The following C12orf42 variants were observed in gnomAD, a reference collection of about 807,000 sequenced individuals.
C12orf42 encodes the protein chromosome 12 open reading frame 42.
Under a neutral mutation model 21.6 loss-of-function variants are expected in C12orf42, and 25 were observed. That is an observed-to-expected ratio of 1.16 (90% CI 0.84 to 1.62). The LOEUF is 1.62. Among genes scored for constraint, C12orf42 ranks in the 40% most tolerant of loss-of-function variants. C12orf42 has a pLI of 0.00. For missense variants in C12orf42, 483 were observed against 459.3 expected, an observed-to-expected ratio of 1.05 and a Z score of -0.47; for synonymous variants, 174 against 175.0, an observed-to-expected ratio of 0.99 and a Z score of 0.05.
intron 4 of C12orf42, among the ~76,000 whole-genome samples, chr12:103,314,712 A>G (rs551384447): frequency 6.6e-6 from 1 of 152,294 alleles, no homozygotes; most frequent in East Asian, 1.9e-4. Context: ...TAACAAAAGC[A>G]TATTAGGGTC....
At chr12:103,143,973 T>C in the C12orf42 span, among the ~76,000 whole-genome samples, 2 of 152,120 alleles carry the variant, frequency 1.3e-5, no homozygotes, top group Admixed American at 6.5e-5. Flanking sequence ...CACAGGGTTA[T>C]TTATGGTAAG....
chr12:103,118,649 T>A, the C12orf42 span, among the ~76,000 whole-genome samples: 9 of 151,716 alleles, frequency 5.9e-5, no homozygotes, highest in East Asian at 1.6e-3. Flanking sequence ...ATACAAAAGA[T>A]TAGCCAGGCG....
At chr12:103,159,741 T>C in the C12orf42 span, among the ~76,000 whole-genome samples, 1 of 152,224 alleles carries the variant, frequency 6.6e-6, no homozygotes, top group Non-Finnish European at 1.5e-5. Context: ...GTCCCTATGT[T>C]CATGGTCCCC....
chr12:103,132,059 T>G, the C12orf42 span, among the ~76,000 whole-genome samples: 1 of 152,188 alleles, frequency 6.6e-6, no homozygotes, highest in Non-Finnish European at 1.5e-5. Context: ...CGTATATGTT[T>G]CTTGTCCAGC....
the C12orf42 span, among the ~76,000 whole-genome samples, chr12:103,066,175 G>A: frequency 1.3e-5 from 2 of 152,116 alleles, no homozygotes; most frequent in East Asian, 1.9e-4. Flanking sequence ...GAAACTGAAC[G>A]TTTGCCTATG....
At chr12:103,208,174 A>G in the C12orf42 span, among the ~76,000 whole-genome samples, 1 of 152,188 alleles carries the variant, frequency 6.6e-6, no homozygotes, top group African/African-American at 2.4e-5. Context: ...AGCTCTGGGT[A>G]ATACCAATGG....
the C12orf42 span, among the ~76,000 whole-genome samples, chr12:103,513,780 C>A: frequency 5.5e-3 from 838 of 152,174 alleles, 6 homozygotes; most frequent in Middle Eastern, 0.017. Context: ...ATGAATGTGC[C>A]AGGCACTAGG....
the C12orf42 span, among the ~76,000 whole-genome samples, chr12:103,171,539 T>C: frequency 6.6e-6 from 1 of 152,050 alleles, no homozygotes; most frequent in Admixed American, 6.6e-5. Flanking sequence ...ATGGGGAAGG[T>C]AGAGTTAAAG....
chr12:103,561,624 T>C, the C12orf42 span, among the ~76,000 whole-genome samples: 1 of 152,184 alleles, frequency 6.6e-6, no homozygotes, highest in Non-Finnish European at 1.5e-5. Context: ...TTTCAACGTA[T>C]GAATCTGGGG....
intron 3 of C12orf42, among the ~76,000 whole-genome samples, chr12:103,398,221 T>G (rs1724216635): frequency 6.6e-6 from 1 of 152,232 alleles, no homozygotes; most frequent in South Asian, 2.1e-4. Context: ...CTTATGAGTA[T>G]GAAATCATCT....
intron 3 of C12orf42, among the ~76,000 whole-genome samples, chr12:103,392,813 C>T (rs750017341): frequency 1.4e-4 from 22 of 152,118 alleles, no homozygotes; most frequent in African/African-American, 2.4e-4. Context: ...GAGGAAAGGA[C>T]GGGAAATTCT....
At chr12:103,208,849 A>C in the C12orf42 span, among the ~76,000 whole-genome samples, 2 of 152,208 alleles carry the variant, frequency 1.3e-5, no homozygotes, top group Non-Finnish European at 2.9e-5. Context: ...AAATGAGCTT[A>C]GTGTTCCTCA....
chr12:103,273,721 T>C (rs7313722), intron 5 of C12orf42: 20,225 of 402,904 alleles, frequency 0.05, 2,267 homozygotes, highest in African/African-American at 0.3. Flanking sequence ...AGCCAGAAAT[T>C]AGGGAAAAGA....
intron 2 of C12orf42, among the ~76,000 whole-genome samples, chr12:103,470,129 T>A (rs1953475482): frequency 6.6e-6 from 1 of 152,160 alleles, no homozygotes; most frequent in Non-Finnish European, 1.5e-5. Flanking sequence ...AGATTTTTAG[T>A]AAGATAGAAC....
At chr12:103,392,651 C>T (rs1410137505) in intron 3 of C12orf42, among the ~76,000 whole-genome samples, 1 of 152,172 alleles carries the variant, frequency 6.6e-6, no homozygotes, top group African/African-American at 2.4e-5. Context: ...TGCATAGACA[C>T]ACAACTGATT....
At chr12:103,077,046 A>G in the C12orf42 span, among the ~76,000 whole-genome samples, 15 of 152,180 alleles carry the variant, frequency 9.9e-5, no homozygotes, top group African/African-American at 3.6e-4. Context: ...CTGTATATAA[A>G]CTGTGTGCAA....
At chr12:103,256,141 C>CAA (rs2034599362) in intron 10 of C12orf42, among the ~76,000 whole-genome samples, 1 of 95,718 alleles carries the variant, frequency 1.0e-5, no homozygotes, top group Admixed American at 1.2e-4. Context: ...CACACACACA[C>CAA]ACACGTATAT....
chr12:103,408,777 T>G (rs1477753926), intron 2 of C12orf42, among the ~76,000 whole-genome samples: 1 of 152,176 alleles, frequency 6.6e-6, no homozygotes, highest in Non-Finnish European at 1.5e-5. Context: ...AAACTGTATA[T>G]TTTTTGTCAA....
At chr12:103,463,860 T>A (rs1201346800) in intron 2 of C12orf42, among the ~76,000 whole-genome samples, 1 of 152,242 alleles carries the variant, frequency 6.6e-6, no homozygotes, top group Non-Finnish European at 1.5e-5. Flanking sequence ...TTGCTGAGGA[T>A]AATGGCTTCC....
Sources: gnomAD v4.1 joint callset for allele counts (sites outside exome capture counted in the v4.1 genomes callset) on GRCh38, gnomAD v4.1.1 for gene constraint, MANE v1.5 for transcripts, NCBI Gene and HGNC (gene_info 2026-07-23, HGNC 2026-07-21) for gene names.